The following UIMC1 variants were observed in gnomAD, a reference collection of about 807,000 sequenced individuals.
UIMC1 encodes the protein ubiquitin interaction motif containing 1.
In UIMC1, 42 loss-of-function variants were observed where a neutral mutation model predicts 84.9. The observed-to-expected ratio is 0.49, with a 90% CI of 0.39 to 0.64. The LOEUF (loss-of-function observed/expected upper bound fraction) is 0.64. Among genes scored for constraint, UIMC1 ranks in the 30% least tolerant of loss-of-function variants. The pLI, the probability that UIMC1 is intolerant of heterozygous loss-of-function variation, is 0.00. For synonymous variants in UIMC1, 281 were observed against 293.0 expected, an observed-to-expected ratio of 0.96 and a Z score of 0.42; for missense variants, 825 against 847.6, an observed-to-expected ratio of 0.97 and a Z score of 0.33.
At chr5:176,908,951 A>T (rs1759764334) in intron 11 of UIMC1, among the ~76,000 whole-genome samples, 1 of 152,246 alleles carries the variant, frequency 6.6e-6, no homozygotes, top group Admixed American at 6.5e-5. Context: ...TAATGAAATC[A>T]GCTCTTCAAA....
rs1237792672 is a variant in UIMC1, at chr5:176,908,657, A to C, written c.1714T>G (p.Phe572Val). The C allele has an allele frequency of 3.1e-6, 5 of 1,614,142 alleles. No homozygotes were observed. Among genetic ancestry groups the C allele is most frequent in the Non-Finnish European group, 4.2e-6 (5 of 1,179,986 alleles). The change falls in exon 12 of 15, where the codon TTT becomes GTT. Residue 572 changes from phenylalanine (F) to valine (V), a missense_variant. Coordinates refer to ENST00000511320, the MANE Select transcript of UIMC1 (RefSeq NM_001199298.2). ...KCYLCKSLVP[F>V]REYQCHVDSC... is the part of the protein sequence containing the mutation. ...TCCACATGACACTGATACTCTCTAA[A>C]TGGGACCAGGGATTTACAGAGGTAA...
At chr5:177,005,902 T>G (rs1775186112) in intron 1 of UIMC1, among the ~76,000 whole-genome samples, 1 of 152,156 alleles carries the variant, frequency 6.6e-6, no homozygotes, top group Admixed American at 6.5e-5. Flanking sequence ...GCCCGCCGGC[T>G]GTGGCGCTCG....
In UIMC1 at chr5:176,907,171, CT is replaced by C. The variant is rs767177516; in HGVS notation, c.1854del (p.Gly619AlafsTer56). ...CTAAGGAGTCGGCCTTCACTGTGGC[CT>C]TTTTCCTGTAACAGAGAAAAACAGA... ...WQQRLKNPKE[K>X]GHSEGRLLSF... On this transcript the variant is annotated frameshift_variant, in exon 13 of 15. Coordinates refer to ENST00000511320, the MANE Select transcript of UIMC1 (RefSeq NM_001199298.2). LOFTEE classifies it high-confidence loss of function. 1 of 1,612,394 alleles carries C rather than the reference CT, an allele frequency of 6.2e-7. No homozygotes were observed.
upstream of UIMC1, among the ~76,000 whole-genome samples, chr5:177,007,557 T>A (rs1775410312): frequency 6.6e-6 from 1 of 152,194 alleles, no homozygotes; most frequent in Non-Finnish European, 1.5e-5. Context: ...CAACATTTGC[T>A]AGGTCACAAC....
chr5:176,984,041 CGTCTGGG>C (rs1771520172), intron 1 of UIMC1, among the ~76,000 whole-genome samples: 3 of 114,888 alleles, frequency 2.6e-5, no homozygotes, highest in Non-Finnish European at 5.7e-5. Context: ...CCGGCCGCCC[CGTCTGGG>C]AAGTGAGGAG....
At chr5:176,972,902 G>GT (rs1394827605) in intron 3 of UIMC1, among the ~76,000 whole-genome samples, 1 of 148,170 alleles carries the variant, frequency 6.7e-6, no homozygotes, top group Non-Finnish European at 1.5e-5. Flanking sequence ...TTTTATACCA[G>GT]TAAGTCTGGC....
At chr5:176,923,969 G>A (rs1035330291) in intron 10 of UIMC1, among the ~76,000 whole-genome samples, 16 of 150,574 alleles carry the variant, frequency 1.1e-4, no homozygotes, top group African/African-American at 2.2e-4. Flanking sequence ...AAATTACATC[G>A]TATATTTACA....
chr5:177,013,671 A>G (rs1404557890), intron 1 of UIMC1, among the ~76,000 whole-genome samples: 1 of 152,234 alleles, frequency 6.6e-6, no homozygotes, highest in Non-Finnish European at 1.5e-5. Context: ...GCTAAAAACC[A>G]CAAGGAAAAA....
chr5:177,000,498 CTTTTTT>C (rs966855813), intron 1 of UIMC1, among the ~76,000 whole-genome samples: 1 of 113,338 alleles, frequency 8.8e-6, no homozygotes, highest in African/African-American at 4.0e-5. Flanking sequence ...ACTTGCATGT[CTTTTTT>C]TTTTTTTTTT....
In UIMC1 at chr5:176,990,173, TC is replaced by T. The variant is rs563859740; in HGVS notation, c.-8-7551del. On this transcript the variant is annotated intron_variant, in intron 1 of 14. Transcript: ENST00000511320. ...TCCAGCCTGGGCAACAGAGCGAGACTCTGTTACAAAAAAAAAAAACAAAAAC... is the reference window on the plus strand; with the variant it reads ...TCCAGCCTGGGCAACAGAGCGAGACTTGTTACAAAAAAAAAAAACAAAAAC... Among the ~76,000 whole-genome samples the T allele has an allele frequency of 9.0e-3, 1,354 of 150,406 alleles. 8 individuals carry two copies. Among genetic ancestry groups the T allele is most frequent in the South Asian group, 0.024 (116 of 4,770 alleles).
At chr5:176,967,903 T>TAAAA (rs35985130) in intron 6 of UIMC1, among the ~76,000 whole-genome samples, 57 of 134,470 alleles carry the variant, frequency 4.2e-4, no homozygotes, top group African/African-American at 1.5e-3. Flanking sequence ...ACCTTGTCTT[T>TAAAA]AAAAAAAAAA....
In UIMC1 at chr5:176,958,074, G is replaced by A; in HGVS notation, c.1262+19C>T. ...GGCAACCATCAGAGGAGAATGCATA[G>A]CAACATATAATCTCTCACCTTTGTG... On this transcript the variant is annotated intron_variant, in intron 7 of 14. Transcript: ENST00000511320. 1 of 1,612,468 alleles carries A rather than the reference G, an allele frequency of 6.2e-7. No homozygotes were observed. The highest frequency in any genetic ancestry group is 8.5e-7 in the Non-Finnish European group (1 of 1,178,832).
At position 176,932,522 on chromosome 5, in the gene UIMC1, T is replaced by TAGACAGAC. The variant is rs34037908; in HGVS notation, c.1597+10805_1597+10812dup. ...AGACAGATATAGATAGATAGACAGA[T>TAGACAGAC]AGACAGACAGACAGACAGACAGACA... is the stretch of plus-strand genomic sequence containing the variant. On this transcript the variant is annotated intron_variant, in intron 10 of 14. Transcript: ENST00000511320. Among the ~76,000 whole-genome samples, 1,420 of 151,884 alleles carry TAGACAGAC rather than the reference T, an allele frequency of 9.3e-3. 10 individuals carry two copies. Among genetic ancestry groups the TAGACAGAC allele is most frequent in the South Asian group, 0.025 (121 of 4,788 alleles).
chr5:176,932,305 T>C (rs983555059), intron 10 of UIMC1, among the ~76,000 whole-genome samples: 8 of 152,250 alleles, frequency 5.3e-5, no homozygotes, highest in Non-Finnish European at 7.3e-5. Context: ...TTTTGTTTTA[T>C]AAGCTGCTCC....
At chr5:177,005,457 C>T (rs1306890864) in intron 1 of UIMC1, among the ~76,000 whole-genome samples, 1 of 151,984 alleles carries the variant, frequency 6.6e-6, no homozygotes, top group African/African-American at 2.4e-5. Flanking sequence ...CACACGCATA[C>T]ATCCCTGATA....
chr5:177,001,572 G>C (rs1452374499), intron 1 of UIMC1: 1 of 152,004 alleles, frequency 6.6e-6, no homozygotes, highest in African/African-American at 2.4e-5. Flanking sequence ...ACTTTTAGTA[G>C]ACATAAACAA....
chr5:176,911,549 G>A (rs1288396820), intron 10 of UIMC1, among the ~76,000 whole-genome samples, 160 bp from the exon 11 acceptor site: 1 of 152,172 alleles, frequency 6.6e-6, no homozygotes, highest in East Asian at 1.9e-4. Context: ...ATTGAGAATA[G>A]CGATTGTAAC....
chr5:176,971,479 C>G (rs1371003796), intron 3 of UIMC1, among the ~76,000 whole-genome samples: 1 of 152,172 alleles, frequency 6.6e-6, no homozygotes, highest in African/African-American at 2.4e-5. Context: ...AGCAAAGACT[C>G]TATTAGACAC....
chr5:176,937,195 C>G (rs1027577541), intron 10 of UIMC1, among the ~76,000 whole-genome samples: 1 of 152,188 alleles, frequency 6.6e-6, no homozygotes, highest in Non-Finnish European at 1.5e-5. Flanking sequence ...TCAAACATTA[C>G]CTTTAAAGAG....
Sources: allele counts gnomAD v4.1 joint callset (sites outside exome capture counted in the v4.1 genomes callset), GRCh38; gene constraint gnomAD v4.1.1; transcripts MANE v1.5; gene names NCBI Gene and HGNC (gene_info 2026-07-23, HGNC 2026-07-21).